Variants in TIAM1 observed in about 807,000 individuals in gnomAD.
TIAM1 encodes the protein rho guanine nucleotide exchange factor TIAM1.
TIAM1 carries 65 observed loss-of-function variants against 163.5 expected under a neutral mutation model. The observed-to-expected ratio is 0.40, with a 90% CI of 0.33 to 0.49. The LOEUF (loss-of-function observed/expected upper bound fraction) is 0.49. Ranked by LOEUF, TIAM1 falls within the 20% of genes least tolerant of loss-of-function variation. The pLI is 0.77. For missense variants in TIAM1, 1,789 were observed against 2,044.7 expected (o/e 0.87, Z 2.41); for synonymous variants, 833 against 810.1 (o/e 1.03, Z -0.48).
intron 1 of TIAM1, among the ~76,000 whole-genome samples, chr21:31,516,619 C>A (rs1369772640): frequency 6.6e-6 from 1 of 151,048 alleles, no homozygotes; most frequent in Non-Finnish European, 1.5e-5. Context: ...TTCCAAGCTT[C>A]CACCCTGCAA....
At chr21:31,466,411 G>A (rs968789500) in intron 1 of TIAM1, among the ~76,000 whole-genome samples, 5 of 148,196 alleles carry the variant, frequency 3.4e-5, no homozygotes, top group African/African-American at 1.2e-4. Flanking sequence ...CAGAATAAAG[G>A]ATATCTCTCT....
At chr21:31,377,673 TC>T (rs1264720138) in intron 2 of TIAM1, among the ~76,000 whole-genome samples, 1 of 152,204 alleles carries the variant, frequency 6.6e-6, no homozygotes, top group African/African-American at 2.4e-5. Flanking sequence ...TTAAAGGTTA[TC>T]TAGCAGGTTT....
chr21:31,424,143 G>T (rs1484848676), intron 2 of TIAM1, among the ~76,000 whole-genome samples: 1 of 152,214 alleles, frequency 6.6e-6, no homozygotes, highest in Non-Finnish European at 1.5e-5. Context: ...TCTTTTAGAA[G>T]ACGCATGGTC....
chr21:31,384,323 G>A (rs1004847821), intron 2 of TIAM1, among the ~76,000 whole-genome samples: 3 of 151,348 alleles, frequency 2.0e-5, no homozygotes, highest in Non-Finnish European at 4.4e-5. Context: ...TGTTTTCCCT[G>A]GGAGGCCAAA....
intron 9 of TIAM1, among the ~76,000 whole-genome samples, chr21:31,214,233 G>T (rs1192695904): frequency 6.6e-6 from 1 of 152,014 alleles, no homozygotes; most frequent in Admixed American, 6.6e-5. Context: ...GCTGAGATGG[G>T]AGGATCACTT....
chr21:31,498,929 G>A (rs2046756650), intron 1 of TIAM1, among the ~76,000 whole-genome samples: 1 of 142,678 alleles, frequency 7.0e-6, no homozygotes, highest in Non-Finnish European at 1.5e-5. Flanking sequence ...CTGGGCTACA[G>A]AGCGAGACTC....
At chr21:31,540,672 AAAC>A (rs1270667955) in intron 1 of TIAM1, among the ~76,000 whole-genome samples, 1 of 152,244 alleles carries the variant, frequency 6.6e-6, no homozygotes, top group African/African-American at 2.4e-5. Context: ...AGGACCTCAG[AAAC>A]AACATCTCAC....
intron 6 of TIAM1, among the ~76,000 whole-genome samples, chr21:31,238,127 C>T (rs570143823): frequency 6.6e-6 from 1 of 152,272 alleles, no homozygotes; most frequent in East Asian, 1.9e-4. Context: ...AAATCAGCAG[C>T]ACACAGGCTC....
intron 1 of TIAM1, among the ~76,000 whole-genome samples, chr21:31,469,386 C>G (rs1378537062): frequency 1.3e-5 from 2 of 152,104 alleles, no homozygotes; most frequent in Non-Finnish European, 2.9e-5. Context: ...GAGGTGTGAG[C>G]CACTGCACCC....
chr21:31,487,049 G>A lies in TIAM1; in HGVS notation c.-421-23014C>T, dbSNP rs73343480. 2.1e-3 allele frequency among the ~76,000 whole-genome samples: 319 copies of A among 152,296 alleles called. 2 individuals carry two copies. The highest frequency in any genetic ancestry group is 7.2e-3 in the African/African-American group (299 of 41,560). ...TGGGAAAGGAGGCACTGGAGGTCAC[G>A]CCTAGCTTCACAGGTGCTTGACAAC... On this transcript the variant is annotated intron_variant, in intron 1 of 28. Transcript: ENST00000286827.
intron 22 of TIAM1, 123 bp downstream of exon 22, chr21:31,140,995 A>G: frequency 2.8e-6 from 2 of 724,480 alleles, no homozygotes; most frequent in Non-Finnish European, 4.4e-6. Context: ...CCACTAAGAA[A>G]AACAACAGCA....
chr21:31,359,909 AAAG>A (rs2147133121), intron 2 of TIAM1, among the ~76,000 whole-genome samples: 1 of 152,244 alleles, frequency 6.6e-6, no homozygotes, highest in East Asian at 1.9e-4. Context: ...TATGAAGAAA[AAAG>A]AGAACTGGAC....
chr21:31,506,895 C>T lies in TIAM1; in HGVS notation c.-421-42860G>A, dbSNP rs112222340. ...TCGTGCCACTATACTCCAGCCTGGG[C>T]GACAGAGGGAGACCCTGTCTCAAAC... On this transcript the variant is annotated intron_variant, in intron 1 of 28. Coordinates refer to the TIAM1 transcript ENST00000286827. Among the ~76,000 whole-genome samples, 13 of 152,228 alleles carry T rather than the reference C, an allele frequency of 8.5e-5. No individual in the cohort carries two copies. The East Asian group carries it at 1.4e-3, about 16-fold the overall frequency.
rs541180312 is a variant in TIAM1, at chr21:31,188,636, G to A, written c.2576-1549C>T. Among the ~76,000 whole-genome samples the A allele has an allele frequency of 5.3e-5, 8 of 152,262 alleles. No homozygotes were observed. The East Asian group carries it at 9.7e-4, about 18-fold the overall frequency. On this transcript the variant is annotated intron_variant, in intron 13 of 27. Coordinates refer to ENST00000541036, the MANE Select transcript of TIAM1 (RefSeq NM_001353694.2). ...GTCCCCCAGGCTGGAATGCAGTGGT[G>A]TGATCATAGCTCATTGTAGCTTCAA...
chr21:31,437,462 C>G (rs911372955), intron 2 of TIAM1, among the ~76,000 whole-genome samples: 1 of 144,672 alleles, frequency 6.9e-6, no homozygotes, highest in Non-Finnish European at 1.5e-5. Context: ...ATGATTGTGT[C>G]ACTGCACTCT....
chr21:31,346,648 A>G (rs1465932826), upstream of TIAM1, among the ~76,000 whole-genome samples: 1 of 152,190 alleles, frequency 6.6e-6, no homozygotes, highest in Non-Finnish European at 1.5e-5. Flanking sequence ...CCCATCAGTC[A>G]TTTCTCCATT....
chr21:31,252,339 G>T, intron 4 of TIAM1, 150 bp from the exon 5 acceptor site: 1 of 851,836 alleles, frequency 1.2e-6, no homozygotes, highest in Non-Finnish European at 1.8e-6. Flanking sequence ...CCTGGACCAG[G>T]TCCTGCTCAA....
chr21:31,248,784 A>T (rs1357632932), intron 5 of TIAM1, among the ~76,000 whole-genome samples: 1 of 152,096 alleles, frequency 6.6e-6, no homozygotes, highest in Non-Finnish European at 1.5e-5. Context: ...CGGTGGCTCC[A>T]TGTTCTGGGC....
rs77595192 is a variant in TIAM1, at chr21:31,338,665, T to C, written c.-189+578A>G. Reference sequence around the variant, plus strand: ...GTAGGGAGGGTGTCTTTGCAGCATATTTCTTCTCTTGGAGTTAACTGCGAA... The same window carrying C: ...GTAGGGAGGGTGTCTTTGCAGCATACTTCTTCTCTTGGAGTTAACTGCGAA... On this transcript the variant is annotated intron_variant, in intron 2 of 27. Coordinates refer to ENST00000541036, the MANE Select transcript of TIAM1 (RefSeq NM_001353694.2). Among the ~76,000 whole-genome samples, 7 of 152,278 alleles carry C rather than the reference T, an allele frequency of 4.6e-5. No homozygotes were observed. In the East Asian group the frequency reaches 1.4e-3, roughly 29 times the overall value.
Sources: gnomAD v4.1 joint callset for allele counts (sites outside exome capture counted in the v4.1 genomes callset) on GRCh38, gnomAD v4.1.1 for gene constraint, MANE v1.5 for transcripts, NCBI Gene and HGNC (gene_info 2026-07-23, HGNC 2026-07-21) for gene names.